The following TMEM243 variants were observed in gnomAD, a reference collection of about 807,000 sequenced individuals.
The protein encoded by TMEM243 is MDR1 and mitochondrial taxol resistance associated.
TMEM243 carries 20 observed loss-of-function variants against 15.0 expected under a neutral mutation model. That is an observed-to-expected ratio of 1.33 (90% CI 0.94 to 1.93). The LOEUF is 1.93. Among genes scored for constraint, TMEM243 ranks in the 30% most tolerant of loss-of-function variants. The probability of loss-of-function intolerance (pLI) is 0.00; values close to 1 mark genes in which losing one functional copy is unlikely to be tolerated. For missense variants in TMEM243, 156 were observed against 142.1 expected, an observed-to-expected ratio of 1.10 and a Z score of -0.50; for synonymous variants, 72 against 52.7, an observed-to-expected ratio of 1.37 and a Z score of -1.59.
chr7:87,213,348 A>G (rs1030959124), intron 1 of TMEM243, among the ~76,000 whole-genome samples: 2 of 152,230 alleles, frequency 1.3e-5, no homozygotes, highest in Admixed American at 1.3e-4. Context: ...AGCACACACA[A>G]AAAAAGGCAA....
At chr7:87,213,786 T>C (rs1223088541) in intron 1 of TMEM243, among the ~76,000 whole-genome samples, 1 of 151,598 alleles carries the variant, frequency 6.6e-6, no homozygotes, top group East Asian at 1.9e-4. Flanking sequence ...TTCTTCTTTT[T>C]TTTTTTATTG....
At chr7:87,204,931 G>T (rs1370936318) in intron 1 of TMEM243, among the ~76,000 whole-genome samples, 1 of 152,254 alleles carries the variant, frequency 6.6e-6, no homozygotes, top group African/African-American at 2.4e-5. Flanking sequence ...TGGCCCTGCA[G>T]CAACCTCTGC....
chr7:87,218,320 G>T (rs1269813327), intron 1 of TMEM243, among the ~76,000 whole-genome samples: 1 of 152,240 alleles, frequency 6.6e-6, no homozygotes, highest in Non-Finnish European at 1.5e-5. Context: ...TCTTCCTGGA[G>T]ATCGAGTTTA....
chr7:87,199,065 A>T lies in TMEM243; in HGVS notation c.79-8T>A, dbSNP rs1377326108. On this transcript the variant is annotated splice_region_variant and splice_polypyrimidine_tract_variant and intron_variant, in intron 1 of 3. Transcript: ENST00000257637. Reference sequence around the variant, plus strand: ...TAAATTGATGATTCGATCCTGAAAGAGAAAAGAATTTTTAAGCCATATGAC... The same window carrying T: ...TAAATTGATGATTCGATCCTGAAAGTGAAAAGAATTTTTAAGCCATATGAC... 1.9e-6 allele frequency: 3 copies of T among 1,603,870 alleles called. No individual in the cohort carries two copies. Among genetic ancestry groups the T allele is most frequent in the Non-Finnish European group, 1.7e-6 (2 of 1,176,506 alleles).
intron 1 of TMEM243, among the ~76,000 whole-genome samples, chr7:87,204,415 G>T (rs1013306449): frequency 6.6e-6 from 1 of 152,154 alleles, no homozygotes; most frequent in African/African-American, 2.4e-5. Context: ...TAACTCAAAA[G>T]TCCACAGTCT....
chr7:87,206,261 A>G (rs1380697480), intron 1 of TMEM243, among the ~76,000 whole-genome samples: 2 of 152,208 alleles, frequency 1.3e-5, no homozygotes, highest in East Asian at 1.9e-4. Flanking sequence ...CAGGCAAACC[A>G]TATCATCATC....
At chr7:87,198,970 T>C in intron 2 of TMEM243, 37 bp downstream of exon 2, 1 of 1,549,600 alleles carries the variant, frequency 6.5e-7, no homozygotes, top group Non-Finnish European at 8.7e-7. Flanking sequence ...CAAAACTGGC[T>C]AAGAGCCTGG....
Position 87,219,584 on chromosome 7 carries a change from G to A in TMEM243, c.-81C>T. The stretch of plus-strand genomic sequence containing the variant: ...CGAGGTCTCAGGTCCACGACTGCAA[G>A]CCTCCTCCTCACGGCTCCCGCATAG... On this transcript the variant is annotated 5_prime_UTR_variant, in exon 1 of 4. Transcript: ENST00000257637. The A allele has an allele frequency of 7.8e-7, 1 of 1,286,748 alleles. No homozygotes were observed. Among genetic ancestry groups the A allele is most frequent in the Non-Finnish European group, 1.1e-6 (1 of 894,764 alleles). The allele number at this position is 1,286,748 out of a possible 1,614,324, so 79.7% of individuals were successfully genotyped here.
At chr7:87,201,222 T>TTCAG (rs893352501) in intron 1 of TMEM243, among the ~76,000 whole-genome samples, 21 of 152,320 alleles carry the variant, frequency 1.4e-4, no homozygotes, top group African/African-American at 4.6e-4. Context: ...CAACCATGAA[T>TTCAG]TCAGGTATGC....
chr7:87,197,303 C>G (rs1801373250), intron 3 of TMEM243, among the ~76,000 whole-genome samples: 1 of 151,424 alleles, frequency 6.6e-6, no homozygotes, highest in African/African-American at 2.4e-5. Context: ...AATTTTAACT[C>G]AGATAAGCAA....
intron 1 of TMEM243, among the ~76,000 whole-genome samples, chr7:87,215,078 CATGGCTAG>C: frequency 6.6e-6 from 1 of 152,182 alleles, no homozygotes; most frequent in Non-Finnish European, 1.5e-5. Flanking sequence ...GCATCTGAAA[CATGGCTAG>C]CGTGAATTCA....
chr7:87,218,496 A>G (rs1803265802), intron 1 of TMEM243: 1 of 152,336 alleles, frequency 6.6e-6, no homozygotes, highest in East Asian at 1.9e-4. Context: ...GCTCCTGCCA[A>G]AACTAAGAAA....
chr7:87,201,554 G>T (rs1389587465), intron 1 of TMEM243, among the ~76,000 whole-genome samples: 1 of 152,140 alleles, frequency 6.6e-6, no homozygotes, highest in Non-Finnish European at 1.5e-5. Context: ...AGCTCTTCTA[G>T]CTCCCAATCT....
chr7:87,212,387 AG>A (rs778994677), intron 1 of TMEM243, among the ~76,000 whole-genome samples: 68 of 152,294 alleles, frequency 4.5e-4, no homozygotes, highest in African/African-American at 6.7e-4. Flanking sequence ...TCAGCAACTC[AG>A]AAAATATGGT....
At chr7:87,210,955 G>A (rs1208666533) in intron 1 of TMEM243, among the ~76,000 whole-genome samples, 1 of 152,236 alleles carries the variant, frequency 6.6e-6, no homozygotes, top group Non-Finnish European at 1.5e-5. Context: ...TTAAGCAACA[G>A]CTCAAGCTAT....
chr7:87,198,731 G>A (rs1256732786), intron 2 of TMEM243: 4 of 472,214 alleles, frequency 8.5e-6, no homozygotes, highest in East Asian at 3.9e-5. Flanking sequence ...GATGACAGAA[G>A]GAAGTGGCTA....
intron 1 of TMEM243, among the ~76,000 whole-genome samples, chr7:87,206,112 T>C (rs1251273744): frequency 2.0e-5 from 3 of 152,052 alleles, no homozygotes; most frequent in East Asian, 1.9e-4. Flanking sequence ...AATCATCAGA[T>C]CTCATGAGAC....
intron 3 of TMEM243, among the ~76,000 whole-genome samples, chr7:87,197,092 T>C (rs962027850): frequency 1.3e-5 from 2 of 152,136 alleles, no homozygotes; most frequent in Admixed American, 6.6e-5. Context: ...TCATGATTCA[T>C]ACAGTTGGTT....
intron 1 of TMEM243, among the ~76,000 whole-genome samples, chr7:87,215,728 T>C (rs1803057292): frequency 6.6e-6 from 1 of 152,238 alleles, no homozygotes; most frequent in African/African-American, 2.4e-5. Context: ...AAAAAGCATC[T>C]GGGCATTCAA....
Sources: allele counts gnomAD v4.1 joint callset (sites outside exome capture counted in the v4.1 genomes callset), GRCh38; gene constraint gnomAD v4.1.1; transcripts MANE v1.5; gene names NCBI Gene and HGNC (gene_info 2026-07-23, HGNC 2026-07-21).